Variants in RAP1GAP2 observed in about 807,000 individuals in gnomAD.
The protein encoded by RAP1GAP2 is rap1 GTPase-activating protein 2.
Under a neutral mutation model 95.0 loss-of-function variants are expected in RAP1GAP2, and 27 were observed. The ratio of observed to expected loss-of-function variants is 0.28; its 90% confidence interval spans 0.21 to 0.39. The LOEUF (loss-of-function observed/expected upper bound fraction) is 0.39, where lower values mean the gene tolerates loss of function less well. Ranked by LOEUF, RAP1GAP2 falls within the 10% of genes least tolerant of loss-of-function variation. RAP1GAP2 has a pLI of 1.00. For missense variants in RAP1GAP2, 771 were observed against 970.0 expected, an observed-to-expected ratio of 0.79 and a Z score of 2.72; for synonymous variants, 373 against 380.9, an observed-to-expected ratio of 0.98 and a Z score of 0.24.
intron 11 of RAP1GAP2, among the ~76,000 whole-genome samples, chr17:2,986,776 C>T (rs2045572345): frequency 1.3e-5 from 2 of 152,098 alleles, no homozygotes; most frequent in South Asian, 2.1e-4. Context: ...AAAATAATGG[C>T]AATACTACTA....
intron 10 of RAP1GAP2, among the ~76,000 whole-genome samples, chr17:2,983,281 G>A (rs2045437821): frequency 6.6e-6 from 1 of 150,838 alleles, no homozygotes; most frequent in South Asian, 2.1e-4. Flanking sequence ...TCAAATCTAA[G>A]TTGTGCAAAG....
At chr17:2,847,517 T>C (rs1241064067) in intron 2 of RAP1GAP2, among the ~76,000 whole-genome samples, 3 of 152,158 alleles carry the variant, frequency 2.0e-5, no homozygotes, top group Non-Finnish European at 4.4e-5. Context: ...TAAAATAGTA[T>C]ATAAATAATA....
At chr17:2,869,853 G>A (rs2072771593) in intron 2 of RAP1GAP2, among the ~76,000 whole-genome samples, 1 of 152,230 alleles carries the variant, frequency 6.6e-6, no homozygotes, top group African/African-American at 2.4e-5. Flanking sequence ...CTAGGAGGCT[G>A]ATCTGGTGAG....
At chr17:2,929,599 T>C (rs750153828) in intron 3 of RAP1GAP2, among the ~76,000 whole-genome samples, 5 of 152,120 alleles carry the variant, frequency 3.3e-5, no homozygotes, top group African/African-American at 7.2e-5. Flanking sequence ...AGGTTGACTG[T>C]TTTCCCTGCA....
At chr17:2,854,247 C>T (rs935422849) in intron 2 of RAP1GAP2, 91 of 752,538 alleles carry the variant, frequency 1.2e-4, no homozygotes, top group Non-Finnish European at 1.4e-4. Context: ...GAACCGAGTT[C>T]GGAGCTTCGC....
chr17:2,865,846 G>C (rs1052823965), intron 2 of RAP1GAP2, among the ~76,000 whole-genome samples: 1 of 151,934 alleles, frequency 6.6e-6, no homozygotes, highest in Admixed American at 6.6e-5. Flanking sequence ...CAGCCCTCTT[G>C]GTGGCATCTG....
In RAP1GAP2 at chr17:2,914,179, C is replaced by T. The variant is rs553767419; in HGVS notation, c.165+8811C>T. ...GAGAGCCACCATGCCTGGCCGGTGACTGTTTATATGAAACTGCTACACTGT... is the reference window on the plus strand; with the variant it reads ...GAGAGCCACCATGCCTGGCCGGTGATTGTTTATATGAAACTGCTACACTGT... On this transcript the variant is annotated intron_variant, in intron 3 of 24. Coordinates refer to ENST00000254695, the MANE Select transcript of RAP1GAP2 (RefSeq NM_015085.5). Among the ~76,000 whole-genome samples the T allele has an allele frequency of 3.3e-5, 5 of 151,928 alleles. No individual in the cohort carries two copies. In the East Asian group the frequency reaches 9.8e-4, roughly 30 times the overall value.
intron 17 of RAP1GAP2, among the ~76,000 whole-genome samples, chr17:3,011,454 A>AT (rs371313053): frequency 3.4e-3 from 519 of 150,888 alleles, no homozygotes; most frequent in African/African-American, 0.011. Flanking sequence ...TAGTTTTGGT[A>AT]TTTTTTTTTC....
At chr17:2,928,191 C>A (rs1172227357) in intron 3 of RAP1GAP2, among the ~76,000 whole-genome samples, 1 of 152,236 alleles carries the variant, frequency 6.6e-6, no homozygotes, top group Non-Finnish European at 1.5e-5. Context: ...GAAGGTGCCA[C>A]TGTCCGCTTC....
At chr17:3,020,351 A>G (rs2046915689) in intron 18 of RAP1GAP2, 126 bp from the exon 19 acceptor site, 1 of 713,584 alleles carries the variant, frequency 1.4e-6, no homozygotes, top group Admixed American at 2.2e-5. Context: ...CAACCTTCCT[A>G]GCTGTCTTGC....
intron 1 of RAP1GAP2, among the ~76,000 whole-genome samples, chr17:2,768,087 G>C (rs2068311487): frequency 6.6e-6 from 1 of 152,006 alleles, no homozygotes; most frequent in African/African-American, 2.4e-5. Flanking sequence ...CCTACTGAAG[G>C]GTGCATGGGT....
In RAP1GAP2 at chr17:3,027,937, G is replaced by T. The variant is rs1208177725; in HGVS notation, c.2107+867G>T. On this transcript the variant is annotated intron_variant, in intron 22 of 24. Transcript: ENST00000254695. This position sits in a 1 kb window ranked among gnomAD's most constrained non-coding sequence, Gnocchi z 5.2. ...GTTCTGTGATCCCTGCAGTTGGTCA[G>T]AATAGGGGGGCCAGCACCTGAGGGC... Among the ~76,000 whole-genome samples, 1 of 152,112 alleles carries T rather than the reference G, an allele frequency of 6.6e-6. No individual in the cohort carries two copies. Among genetic ancestry groups the T allele is most frequent in the Non-Finnish European group, 1.5e-5 (1 of 67,992 alleles).
chr17:2,910,794 C>T (rs11078402), intron 3 of RAP1GAP2, among the ~76,000 whole-genome samples: 22,984 of 152,140 alleles, frequency 0.15, 2,120 homozygotes, highest in South Asian at 0.25. Flanking sequence ...GGCGCGATCT[C>T]GGCTCCCTGC....
chr17:2,785,230 C>G (rs77118776), intron 1 of RAP1GAP2, among the ~76,000 whole-genome samples: 2,732 of 152,202 alleles, frequency 0.018, 85 homozygotes, highest in African/African-American at 0.061. Context: ...GGCCTGCTCT[C>G]CTCTGAGCCT....
chr17:2,914,420 TCCTC>T (rs530332341), intron 3 of RAP1GAP2, among the ~76,000 whole-genome samples: 40 of 152,330 alleles, frequency 2.6e-4, no homozygotes, highest in African/African-American at 9.4e-4. Context: ...TTTTTTCCCT[TCCTC>T]CTTCCTTTAA....
intron 24 of RAP1GAP2, among the ~76,000 whole-genome samples, chr17:3,032,715 C>T (rs958385229): frequency 2.0e-5 from 3 of 151,464 alleles, no homozygotes; most frequent in Non-Finnish European, 4.4e-5. Context: ...CTGGTTCCCG[C>T]AGGCAGAAGG....
At chr17:2,968,938 T>C (rs577515742) in intron 8 of RAP1GAP2, among the ~76,000 whole-genome samples, 1 of 152,236 alleles carries the variant, frequency 6.6e-6, no homozygotes, top group Non-Finnish European at 1.5e-5. Context: ...TAAAGAGGGC[T>C]ATTATCCATC....
intron 4 of RAP1GAP2, chr17:2,962,144 T>C (rs1398857597): frequency 3.8e-5 from 6 of 158,180 alleles, no homozygotes; most frequent in African/African-American, 1.4e-4. Flanking sequence ...TCAGGTAATC[T>C]GCCCGTCTTG....
intron 1 of RAP1GAP2, chr17:2,770,209 A>G: frequency 2.5e-6 from 1 of 396,786 alleles, no homozygotes; most frequent in Non-Finnish European, 4.4e-6. Flanking sequence ...CTGGCAGATG[A>G]GCAGGAGGGA....
Sources: allele counts gnomAD v4.1 joint callset (sites outside exome capture counted in the v4.1 genomes callset), GRCh38; gene constraint gnomAD v4.1.1; non-coding constraint Gnocchi (gnomAD v3.1); transcripts MANE v1.5; gene names NCBI Gene and HGNC (gene_info 2026-07-23, HGNC 2026-07-21).